PHLDB1: variants seen among roughly 807,000 people sequenced by gnomAD.
The protein encoded by PHLDB1 is pleckstrin homology-like domain family B member 1.
A neutral mutation model predicts 139.3 loss-of-function variants in PHLDB1; 65 were observed. That is an observed-to-expected ratio of 0.47 (90% CI 0.38 to 0.57). The LOEUF (loss-of-function observed/expected upper bound fraction) is 0.57, where lower values mean the gene tolerates loss of function less well. Among genes scored for constraint, PHLDB1 ranks in the 20% least tolerant of loss-of-function variants. The probability of loss-of-function intolerance (pLI) is 0.00; values close to 1 mark genes in which losing one functional copy is unlikely to be tolerated. For missense variants in PHLDB1, 1,624 were observed against 1,839.7 expected, an observed-to-expected ratio of 0.88 and a Z score of 2.14; for synonymous variants, 679 against 734.5, an observed-to-expected ratio of 0.92 and a Z score of 1.22.
In PHLDB1 at chr11:118,656,730, G is replaced by C. The variant is rs140759172; in HGVS notation, c.4041G>C (p.Leu1347=). The change falls in exon 23 of 23, where the codon CTG becomes CTC. Residue 1347 remains leucine (L), a synonymous_variant. Transcript: ENST00000600882. ...LTFCVKTHDR[L]YYMVAPSAEA... ...TCTGCGTAAAGACCCATGACCGGCT[G>C]TACTACATGGTGGCCCCATCTGCAG... The C allele has an allele frequency of 8.4e-4, 1,350 of 1,613,890 alleles. 1 individual carries two copies. The highest frequency in any genetic ancestry group is 1.1e-3 in the Non-Finnish European group (1,267 of 1,179,866).
Position 118,628,114 on chromosome 11 carries a change from G to A in PHLDB1, c.1291G>A (p.Asp431Asn). ...CCAACTGGTGGGCCGAACATTTTCA[G>A]ATGGGTTAGCCACCCGTACCCTGCA... ...SRQLVGRTFS[D>N]GLATRTLQPP... Residue 431 changes from aspartate (D) to asparagine (N), a missense_variant, in exon 6 of 23, where the codon GAT (aspartate) becomes AAT (asparagine). Physicochemically the swap from Asp to Asn is conservative, Grantham distance 23 (BLOSUM62 1). Coordinates refer to ENST00000600882, the MANE Select transcript of PHLDB1 (RefSeq NM_001144758.3). 6.2e-7 allele frequency: 1 copy of A among 1,614,020 alleles called. No individual in the cohort carries two copies. The highest frequency in any genetic ancestry group is 8.5e-7 in the Non-Finnish European group (1 of 1,180,004).
upstream of PHLDB1, among the ~76,000 whole-genome samples, chr11:118,606,845 TC>T (rs1555079649): frequency 6.6e-6 from 1 of 152,194 alleles, no homozygotes; most frequent in Non-Finnish European, 1.5e-5. Context: ...ATAGCCTGCC[TC>T]CATCTCCCAA....
chr11:118,639,588 G>A, intron 12 of PHLDB1: 1 of 410,366 alleles, frequency 2.4e-6, no homozygotes, highest in Non-Finnish European at 4.5e-6. Flanking sequence ...TTGAAGGGGA[G>A]CATAGGGATA....
chr11:118,623,917 T>TGTGAGAGA (rs57599971), intron 4 of PHLDB1, among the ~76,000 whole-genome samples: 3 of 144,296 alleles, frequency 2.1e-5, no homozygotes, highest in Non-Finnish European at 4.5e-5. Context: ...TGTGTGTGTG[T>TGTGAGAGA]GAGACGGAGT....
chr11:118,631,498 C>T lies in PHLDB1; in HGVS notation c.2100+19C>T. ...GCAGGAGGTGAGATGGAGGGGTAGG[C>T]AAGACAAAGAGGCTGAAGTTGGACC... On this transcript the variant is annotated intron_variant, in intron 7 of 22. Transcript: ENST00000600882. 7.1e-7 allele frequency: 1 copy of T among 1,417,328 alleles called. No individual in the cohort carries two copies. The highest frequency in any genetic ancestry group is 9.2e-7 in the Non-Finnish European group (1 of 1,089,700). 87.8% of individuals were successfully genotyped at this position (1,417,328 alleles called of 1,614,324 possible).
At position 118,645,108 on chromosome 11, in the gene PHLDB1, A is replaced by G. The variant is rs190278031; in HGVS notation, c.3122-248A>G. 4.7e-5 allele frequency: 22 copies of G among 464,638 alleles called. 1 individual carries two copies. The Admixed American group carries it at 5.1e-4, about 11-fold the overall frequency. 28.8% of individuals were successfully genotyped at this position (464,638 alleles called of 1,614,324 possible). On this transcript the variant is annotated intron_variant, in intron 15 of 22. Transcript: ENST00000600882. The surrounding 1 kb of genome is among the most constrained non-coding windows in gnomAD (Gnocchi z 5.1). ...TACTTGGGTAGGTTTGGTGTCCTAT[A>G]TGGACTCAGGGTGCGAAAGAGCACT...
intron 1 of PHLDB1, chr11:118,613,590 A>G: frequency 1.5e-6 from 1 of 646,390 alleles, no homozygotes; most frequent in Non-Finnish European, 2.4e-6. Flanking sequence ...TTACAGTGGC[A>G]GGGGGCAGGA....
In PHLDB1 at chr11:118,611,103, G is replaced by GCGC. The variant is rs1940179376; in HGVS notation, c.-21-2711_-21-2709dup. On this transcript the variant is annotated intron_variant, in intron 1 of 22. Transcript: ENST00000600882. The surrounding 1 kb of genome is among the most constrained non-coding windows in gnomAD (Gnocchi z 4.7). Reference sequence around the variant, plus strand: ...GCAGGTGAGGGACGTCCCTCGCGTAGCGCCACTCAGCCGCCGGGGCCAGAG... The same window carrying GCGC: ...GCAGGTGAGGGACGTCCCTCGCGTAGCGCCGCCACTCAGCCGCCGGGGCCAGAG... Among the ~76,000 whole-genome samples, 1 of 152,158 alleles carries GCGC rather than the reference G, an allele frequency of 6.6e-6. No homozygotes were observed. Among genetic ancestry groups the GCGC allele is most frequent in the Non-Finnish European group, 1.5e-5 (1 of 68,018 alleles).
chr11:118,622,684 C>T lies in PHLDB1; in HGVS notation c.356-2250C>T, dbSNP rs145476755. ...GGCTCCTGATCCCTACCACCCACGA[C>T]CCTGGGTTGAGTGGCTCTGTCTAGA... On this transcript the variant is annotated intron_variant, in intron 4 of 22. Transcript: ENST00000600882. 9.9e-3 allele frequency among the ~76,000 whole-genome samples: 1,509 copies of T among 152,296 alleles called. 19 individuals are homozygous for T. The highest frequency in any genetic ancestry group is 0.034 in the African/African-American group (1,422 of 41,560).
In PHLDB1 at chr11:118,627,776, G is replaced by A. The variant is rs1454184894; in HGVS notation, c.953G>A (p.Gly318Asp). Reference sequence around the variant, plus strand: ...AGTCCTCGGCTGAGCAGGAAAGGGGGCCATGAGAGGCCTCCCAGCCCTGGC... The same window carrying A: ...AGTCCTCGGCTGAGCAGGAAAGGGGACCATGAGAGGCCTCCCAGCCCTGGC... ...SESPRLSRKG[G>D]HERPPSPGLR... Residue 318 changes from glycine (G) to aspartate (D), a missense_variant, in exon 6 of 23, where the codon GGC (glycine) becomes GAC (aspartate). Gly to Asp is a moderately conservative substitution (Grantham distance 94). Coordinates refer to ENST00000600882, the MANE Select transcript of PHLDB1 (RefSeq NM_001144758.3). 4 of 1,605,902 alleles carry A rather than the reference G, an allele frequency of 2.5e-6. No homozygotes were observed. The highest frequency in any genetic ancestry group is 3.4e-6 in the Non-Finnish European group (4 of 1,179,736).
At chr11:118,638,585 G>A (rs1946024045) in intron 10 of PHLDB1, among the ~76,000 whole-genome samples, 1 of 152,138 alleles carries the variant, frequency 6.6e-6, no homozygotes, top group Non-Finnish European at 1.5e-5. Flanking sequence ...GGGACAGGGA[G>A]AATGAGGCAG....
intron 22 of PHLDB1, 60 bp downstream of exon 22, chr11:118,655,952 C>CT: frequency 7.8e-7 from 1 of 1,279,016 alleles, no homozygotes; most frequent in Non-Finnish European, 1.1e-6. Flanking sequence ...CCACTCATCC[C>CT]TGACCCTTGA....
Position 118,645,795 on chromosome 11 carries a change from T to G in PHLDB1, c.3477T>G (p.His1159Gln), listed in dbSNP as rs782328079. 1 of 1,613,424 alleles carries G rather than the reference T, an allele frequency of 6.2e-7. No homozygotes were observed. The highest frequency in any genetic ancestry group is 8.5e-7 in the Non-Finnish European group (1 of 1,179,466). ...EEMEKMLKEA[H>Q]AEKNRLMESR... ...TGGAGAAGATGCTGAAAGAGGCTCA[T>G]GCAGAGAAGAACCGGCTCATGGAGT... The change falls in exon 17 of 23, where the codon CAT (histidine) becomes CAG (glutamine). Residue 1159 changes from histidine to glutamine, a missense_variant. Transcript: ENST00000600882. The surrounding 1 kb of genome is among the most constrained non-coding windows in gnomAD (Gnocchi z 5.1).
chr11:118,627,888 G>C lies in PHLDB1; in HGVS notation c.1065G>C (p.Gln355His). Reference sequence around the variant, plus strand: ...CTGAGAGCCCCCGGCTGGGTGGGCAGCTGCCTGTGGTGGCCATCAGCCTGA... The same window carrying C: ...CTGAGAGCCCCCGGCTGGGTGGGCACCTGCCTGTGGTGGCCATCAGCCTGA... Reference protein sequence around the residue: ...RATESPRLGGQLPVVAISLSE... With the variant: ...RATESPRLGGHLPVVAISLSE... The change falls in exon 6 of 23, where the codon CAG (glutamine) becomes CAC (histidine). Residue 355 changes from glutamine to histidine, a missense_variant. Gln to His is a conservative substitution (Grantham distance 24). Transcript: ENST00000600882. 1 of 1,610,418 alleles carries C rather than the reference G, an allele frequency of 6.2e-7. No individual in the cohort carries two copies.
chr11:118,636,616 T>C (rs2136391933), intron 10 of PHLDB1: 1 of 152,314 alleles, frequency 6.6e-6, no homozygotes, highest in Middle Eastern at 3.4e-3. Context: ...ATTCCCATTT[T>C]ATAGACAAGG....
rs528219267 is a variant in PHLDB1 at position 118,617,453 on chromosome 11, G to A, written c.355+1242G>A. Among the ~76,000 whole-genome samples the A allele has an allele frequency of 3.1e-3, 477 of 152,074 alleles. 5 individuals carry two copies. Among genetic ancestry groups the A allele is most frequent in the African/African-American group, 0.011 (457 of 41,466 alleles). ...GTCACTTCCTTCACAGCTGATCCAG[G>A]AGACCTGACATTTCCCCCGTCTTTT... is the stretch of plus-strand genomic sequence containing the variant. On this transcript the variant is annotated intron_variant, in intron 4 of 22. Coordinates refer to ENST00000600882, the MANE Select transcript of PHLDB1 (RefSeq NM_001144758.3).
intron 6 of PHLDB1, 69 bp downstream of exon 6, chr11:118,628,719 C>G (rs1944289872): frequency 1.4e-6 from 2 of 1,473,752 alleles, no homozygotes; most frequent in South Asian, 2.5e-5. Flanking sequence ...AGCAGGCCAG[C>G]TGGCAGAGCA....
intron 15 of PHLDB1, 45 bp downstream of exon 15, chr11:118,644,219 C>A: frequency 7.2e-7 from 1 of 1,393,744 alleles, no homozygotes; most frequent in East Asian, 2.4e-5. Context: ...TGAGGGGACC[C>A]TGGGTAGTTG....
chr11:118,611,739 A>G lies in PHLDB1; in HGVS notation c.-21-2077A>G, dbSNP rs1209436318. 6.6e-6 allele frequency among the ~76,000 whole-genome samples: 1 copy of G among 151,086 alleles called. No homozygotes were observed. Among genetic ancestry groups the G allele is most frequent in the Non-Finnish European group, 1.5e-5 (1 of 67,824 alleles). On this transcript the variant is annotated intron_variant, in intron 1 of 22. Coordinates refer to ENST00000600882, the MANE Select transcript of PHLDB1 (RefSeq NM_001144758.3). The surrounding 1 kb of genome is among the most constrained non-coding windows in gnomAD (Gnocchi z 4.7). The stretch of plus-strand genomic sequence containing the variant: ...GCTTGGTGGCAGGAGAATCGCTTGA[A>G]CCCGGGAGGTGGAGGTTGCGGTAAG...
Sources: gnomAD v4.1 joint callset for allele counts (sites outside exome capture counted in the v4.1 genomes callset) on GRCh38, gnomAD v4.1.1 for gene constraint, Gnocchi (gnomAD v3.1) non-coding constraint, MANE v1.5 for transcripts, NCBI Gene and HGNC (gene_info 2026-07-23, HGNC 2026-07-21) for gene names.